DOK6: variants seen among roughly 807,000 people sequenced by gnomAD.
The protein encoded by DOK6 is downstream of tyrosine kinase 6.
Under a neutral mutation model 44.0 loss-of-function variants are expected in DOK6, and 22 were observed. The ratio of observed to expected loss-of-function variants is 0.50; its 90% CI spans 0.36 to 0.71. The LOEUF (loss-of-function observed/expected upper bound fraction) is 0.71, where lower values mean the gene tolerates loss of function less well. DOK6 is among the 30% of genes least tolerant of loss of function. DOK6 has a pLI of 0.00. For synonymous variants in DOK6, 166 were observed against 145.5 expected, an observed-to-expected ratio of 1.14 and a Z score of -1.01; for missense variants, 340 against 416.4, an observed-to-expected ratio of 0.82 and a Z score of 1.60.
At chr18:69,807,185 A>G (rs1313016552) in intron 7 of DOK6, among the ~76,000 whole-genome samples, 1 of 151,648 alleles carries the variant, frequency 6.6e-6, no homozygotes, top group Non-Finnish European at 1.5e-5. Context: ...GTTTTTTTTA[A>G]TGCAATCAAA....
At chr18:69,628,169 T>A (rs1253244788) in intron 3 of DOK6, among the ~76,000 whole-genome samples, 7 of 152,188 alleles carry the variant, frequency 4.6e-5, no homozygotes, top group Non-Finnish European at 7.4e-5. Flanking sequence ...AATAGCTGGA[T>A]TGAAGAAAGG....
At chr18:69,717,015 T>C (rs759491211) in intron 5 of DOK6, among the ~76,000 whole-genome samples, 4 of 150,778 alleles carry the variant, frequency 2.7e-5, no homozygotes, top group Non-Finnish European at 5.9e-5. Flanking sequence ...TAGGAGTTTA[T>C]TCTTTTTTAT....
At chr18:69,601,845 C>T (rs1299085547) in intron 3 of DOK6, among the ~76,000 whole-genome samples, 1 of 151,986 alleles carries the variant, frequency 6.6e-6, no homozygotes, top group Non-Finnish European at 1.5e-5. Flanking sequence ...TCTTGTAGTG[C>T]CAGAAAGTAA....
intron 3 of DOK6, among the ~76,000 whole-genome samples, chr18:69,620,538 C>A (rs1268843153): frequency 6.6e-6 from 1 of 151,956 alleles, no homozygotes; most frequent in East Asian, 1.9e-4. Flanking sequence ...AAGAGCATAC[C>A]CTGCAGCCAG....
At chr18:69,627,782 C>T (rs1055801992) in intron 3 of DOK6, among the ~76,000 whole-genome samples, 1 of 152,104 alleles carries the variant, frequency 6.6e-6, no homozygotes, top group South Asian at 2.1e-4. Context: ...GTCTTCAAAG[C>T]ACTAATGTCC....
chr18:69,757,810 C>T lies in DOK6; in HGVS notation c.793C>T (p.Arg265Cys), dbSNP rs755607974. The part of the protein sequence containing the change: ...MTLSKSISLP[R>C]SAYWHHITRQ... ...ATTATCCAAATCAATATCTCTTCCT[C>T]GCAGCGCGTACTGGCATCACATCAC... is the stretch of plus-strand genomic sequence containing the variant. The change falls in exon 7 of 8, where the codon CGC becomes TGC. Residue 265 changes from arginine (R) to cysteine (C), a missense_variant. Around this residue, in one of 3 missense-constraint regions of DOK6, gnomAD observed 112 missense variants for 109.3 expected, o/e 1.02. Transcript: ENST00000382713. 5.6e-6 allele frequency: 9 copies of T among 1,614,032 alleles called. 1 individual carries two copies. The highest frequency in any genetic ancestry group is 4.4e-5 in the South Asian group (4 of 91,090).
chr18:69,842,254 A>C lies in DOK6; in HGVS notation c.*871A>C, dbSNP rs1010293713. On this transcript the variant is annotated 3_prime_UTR_variant, in exon 8 of 8. Coordinates refer to ENST00000382713, the MANE Select transcript of DOK6 (RefSeq NM_152721.6). ...GGGAACATTCAGAAGCAAAAGAACC[A>C]GTCTAGCTGTCCTACACATCATGTC... The C allele has an allele frequency of 6.6e-6, 1 of 152,012 alleles. No individual in the cohort carries two copies. Among genetic ancestry groups the C allele is most frequent in the Non-Finnish European group, 1.5e-5 (1 of 68,024 alleles). 9.4% of individuals were successfully genotyped at this position (152,012 alleles called of 1,614,324 possible).
intron 4 of DOK6, 48 bp downstream of exon 4, chr18:69,677,901 T>C (rs1254873961): frequency 5.7e-6 from 9 of 1,580,816 alleles, no homozygotes; most frequent in Non-Finnish European, 7.7e-6. Context: ...CTTGTAATTG[T>C]AGAACTTTGA....
At position 69,841,473 on chromosome 18, in the gene DOK6, C is replaced by A; in HGVS notation, c.*90C>A. Reference sequence around the variant, plus strand: ...CCTCTGCCTCCTGGAAGACCAATTGCAGTACAAATTGAAATGGGTCGGCTC... The same window carrying A: ...CCTCTGCCTCCTGGAAGACCAATTGAAGTACAAATTGAAATGGGTCGGCTC... On this transcript the variant is annotated 3_prime_UTR_variant, in exon 8 of 8. Transcript: ENST00000382713. 6.5e-7 allele frequency: 1 copy of A among 1,547,128 alleles called. No individual in the cohort carries two copies. The highest frequency in any genetic ancestry group is 8.7e-7 in the Non-Finnish European group (1 of 1,143,356).
chr18:69,507,317 G>T (rs1045672285), intron 1 of DOK6, among the ~76,000 whole-genome samples: 1 of 152,062 alleles, frequency 6.6e-6, no homozygotes, highest in Non-Finnish European at 1.5e-5. Context: ...GTGAGCCACC[G>T]TGCCCAGCCG....
At chr18:69,412,191 C>T (rs1211175331) in intron 1 of DOK6, among the ~76,000 whole-genome samples, 1 of 152,074 alleles carries the variant, frequency 6.6e-6, no homozygotes, top group Non-Finnish European at 1.5e-5. Flanking sequence ...AGAAATGGAA[C>T]TTTCTCACTG....
At chr18:69,634,862 T>A (rs1984767329) in intron 3 of DOK6, among the ~76,000 whole-genome samples, 1 of 152,202 alleles carries the variant, frequency 6.6e-6, no homozygotes. Context: ...TTAAACATCC[T>A]TGGTATTTTG....
intron 1 of DOK6, among the ~76,000 whole-genome samples, chr18:69,499,384 T>G (rs2144547010): frequency 6.6e-6 from 1 of 152,260 alleles, no homozygotes; most frequent in South Asian, 2.1e-4. Context: ...AAAACAATAT[T>G]CCTTACTGTG....
intron 1 of DOK6, among the ~76,000 whole-genome samples, chr18:69,455,049 T>TA (rs1480114653): frequency 1.4e-5 from 2 of 139,206 alleles, no homozygotes; most frequent in African/African-American, 5.3e-5. Context: ...CCCTAAAACT[T>TA]AAAGTATAAT....
At chr18:69,468,183 A>G (rs1979982208) in intron 1 of DOK6, among the ~76,000 whole-genome samples, 1 of 152,146 alleles carries the variant, frequency 6.6e-6, no homozygotes. Flanking sequence ...TCTCATTATA[A>G]TGGAATTATT....
intron 1 of DOK6, among the ~76,000 whole-genome samples, chr18:69,483,241 C>G (rs1980479946): frequency 6.6e-6 from 1 of 151,832 alleles, no homozygotes; most frequent in African/African-American, 2.4e-5. Context: ...TAGTCTCAGC[C>G]CAAAAGCTTC....
intron 2 of DOK6, among the ~76,000 whole-genome samples, chr18:69,572,062 T>C (rs1983127575): frequency 6.6e-6 from 1 of 152,152 alleles, no homozygotes; most frequent in Admixed American, 6.5e-5. Flanking sequence ...AATAACAATG[T>C]ATTATCTAGA....
chr18:69,674,867 C>A (rs1444889271), intron 3 of DOK6, among the ~76,000 whole-genome samples: 1 of 152,142 alleles, frequency 6.6e-6, no homozygotes, highest in Non-Finnish European at 1.5e-5. Context: ...TTCATATAAC[C>A]TCCTAGCACA....
intron 2 of DOK6, among the ~76,000 whole-genome samples, chr18:69,596,800 T>G (rs1020862487): frequency 6.6e-6 from 1 of 152,154 alleles, no homozygotes; most frequent in African/African-American, 2.4e-5. Context: ...TCCTCTGAAC[T>G]GACTTAAAAG....
Sources: allele counts gnomAD v4.1 joint callset (sites outside exome capture counted in the v4.1 genomes callset), GRCh38; gene constraint gnomAD v4.1.1; regional missense constraint gnomAD v4.1.1; transcripts MANE v1.5; gene names NCBI Gene and HGNC (gene_info 2026-07-23, HGNC 2026-07-21).